The following MYCBP2 variants were observed in gnomAD, a reference collection of about 807,000 sequenced individuals.
The protein encoded by MYCBP2 is MYC binding protein 2, also known as E3 ubiquitin-protein ligase MYCBP2.
Under a neutral mutation model 525.3 loss-of-function variants are expected in MYCBP2, and 120 were observed. The observed-to-expected ratio is 0.23, with a 90% confidence interval of 0.20 to 0.27. The LOEUF (loss-of-function observed/expected upper bound fraction) is 0.27, where lower values mean the gene tolerates loss of function less well. Ranked by LOEUF, MYCBP2 falls within the 10% of genes least tolerant of loss-of-function variation. The pLI, the probability that MYCBP2 is intolerant of heterozygous loss-of-function variation, is 1.00. For missense variants in MYCBP2, 4,149 were observed against 5,657.1 expected (o/e 0.73, Z 8.55); for synonymous variants, 1,894 against 1,955.8 (o/e 0.97, Z 0.83).
chr13:77,125,668 T>A (rs1369728762), intron 53 of MYCBP2, among the ~76,000 whole-genome samples, 200 bp from the exon 54 acceptor site: 1 of 152,222 alleles, frequency 6.6e-6, no homozygotes, highest in Non-Finnish European at 1.5e-5. Context: ...TGCTTATTTA[T>A]GAATTTGGTT....
intron 26 of MYCBP2, among the ~76,000 whole-genome samples, chr13:77,201,449 CTT>C (rs1224777474): frequency 6.6e-6 from 1 of 151,860 alleles, no homozygotes; most frequent in Non-Finnish European, 1.5e-5. Context: ...TAAAGGGAGA[CTT>C]TAACACCCCA....
chr13:77,325,870 C>T (rs986636408), intron 1 of MYCBP2, among the ~76,000 whole-genome samples: 5 of 152,246 alleles, frequency 3.3e-5, no homozygotes, highest in African/African-American at 1.2e-4. Context: ...TCTCCATCTG[C>T]GTCCCTTATT....
intron 65 of MYCBP2, among the ~76,000 whole-genome samples, chr13:77,080,349 C>T (rs2043086536): frequency 6.6e-6 from 1 of 152,086 alleles, no homozygotes; most frequent in Admixed American, 6.6e-5. Context: ...CAGGAGAAGC[C>T]AGGCAATGGT....
rs1555467347 is a variant in MYCBP2, at chr13:77,296,697, G to A, written c.303-23C>T. ...TTCCTAAATATTAAAAGAAAAATGG[G>A]AAAAAAATATGAATGTTCATATTAG... On this transcript the variant is annotated intron_variant, in intron 1 of 82. Transcript: ENST00000544440. 3.1e-6 allele frequency: 4 copies of A among 1,304,034 alleles called. No individual in the cohort carries two copies. The East Asian group carries it at 7.8e-5, about 26-fold the overall frequency. The allele number at this position is 1,304,034 out of a possible 1,614,324, so 80.8% of individuals were successfully genotyped here. A position where few individuals can be genotyped will look rare whatever the true frequency, so the allele number is the denominator to read the frequency against.
intron 72 of MYCBP2, 115 bp from the exon 73 acceptor site, chr13:77,064,849 A>G (rs1202198023): frequency 9.9e-7 from 1 of 1,010,596 alleles, no homozygotes; most frequent in Non-Finnish European, 1.3e-6. Context: ...TAGTGAGACC[A>G]TGGAATTTTA....
intron 17 of MYCBP2, among the ~76,000 whole-genome samples, chr13:77,233,930 G>A (rs2067502665): frequency 6.6e-6 from 1 of 151,654 alleles, no homozygotes; most frequent in South Asian, 2.1e-4. Flanking sequence ...ATGGTAAAGG[G>A]GGCACCTAAC....
intron 55 of MYCBP2, among the ~76,000 whole-genome samples, chr13:77,115,012 T>G (rs2049473299): frequency 1.3e-5 from 2 of 152,078 alleles, no homozygotes; most frequent in South Asian, 4.1e-4. Context: ...TACATCATAT[T>G]GTCACAGTAT....
intron 1 of MYCBP2, among the ~76,000 whole-genome samples, chr13:77,303,410 T>C (rs1309600056): frequency 1.3e-5 from 2 of 152,164 alleles, no homozygotes; most frequent in African/African-American, 2.4e-5. Flanking sequence ...CCAACAACAA[T>C]AGAATACATA....
rs9544451 is a variant in MYCBP2 at position 77,297,831 on chromosome 13, A to G, written c.303-1157T>C. Among the ~76,000 whole-genome samples the G allele has an allele frequency of 1.4e-3, 209 of 152,088 alleles. 1 individual carries two copies. Among genetic ancestry groups the G allele is most frequent in the African/African-American group, 4.8e-3 (200 of 41,494 alleles). On this transcript the variant is annotated intron_variant, in intron 1 of 82. Transcript: ENST00000544440. Reference sequence around the variant, plus strand: ...GGTCAATTATATCTCATAAACAGTTATTGAATCTGTCCACACCATCTTTAC... The same window carrying G: ...GGTCAATTATATCTCATAAACAGTTGTTGAATCTGTCCACACCATCTTTAC...
In MYCBP2 at chr13:77,267,905, G is replaced by A; in HGVS notation, c.1293C>T (p.His431=). The change falls in exon 8 of 83, where the codon CAC becomes CAT. Residue 431 remains histidine (H), a synonymous_variant. Transcript: ENST00000544440. ...GGCTTATCCTTATGGCTGTCATGCT[G>A]TGGTTATTCACATCTCTATATAATA... ...GYLLYRDVNN[H]SMTAIRISPE... 6.2e-7 allele frequency: 1 copy of A among 1,613,716 alleles called. No homozygotes were observed.
chr13:77,198,656 GC>G (rs1347002539), intron 26 of MYCBP2, among the ~76,000 whole-genome samples: 1 of 152,110 alleles, frequency 6.6e-6, no homozygotes, highest in Non-Finnish European at 1.5e-5. Context: ...TAATTTGTTG[GC>G]CCTTTTGGAT....
intron 16 of MYCBP2, 118 bp from the exon 17 acceptor site, chr13:77,243,278 A>C (rs1044510590): frequency 5.1e-6 from 4 of 791,548 alleles, no homozygotes; most frequent in Non-Finnish European, 8.4e-6. Flanking sequence ...TAAAACACAC[A>C]ATATTTTTAC....
In MYCBP2 at chr13:77,045,343, A is replaced by C. The variant is rs1176250392; in HGVS notation, c.*35T>G. 1.3e-6 allele frequency: 2 copies of C among 1,527,204 alleles called. No individual in the cohort carries two copies. Among genetic ancestry groups the C allele is most frequent in the Non-Finnish European group, 1.8e-6 (2 of 1,104,018 alleles). The allele number at this position is 1,527,204 out of a possible 1,614,324, so 94.6% of individuals were successfully genotyped here. Reference sequence around the variant, plus strand: ...CCGCATCCTCTTGGGGGATGAAGGCAATTTTTCTCTCTGTAGACAAAGGAT... The same window carrying C: ...CCGCATCCTCTTGGGGGATGAAGGCCATTTTTCTCTCTGTAGACAAAGGAT... On this transcript the variant is annotated 3_prime_UTR_variant, in exon 83 of 83. Coordinates refer to ENST00000544440, the MANE Select transcript of MYCBP2 (RefSeq NM_015057.5).
intron 46 of MYCBP2, among the ~76,000 whole-genome samples, chr13:77,152,013 A>G (rs1313296330): frequency 6.6e-6 from 1 of 152,232 alleles, no homozygotes; most frequent in Non-Finnish European, 1.5e-5. Context: ...AGGTAATTCA[A>G]CAGAATTGTC....
chr13:77,211,374 C>A, intron 22 of MYCBP2, 54 bp from the exon 23 acceptor site: 2 of 934,500 alleles, frequency 2.1e-6, no homozygotes, highest in Non-Finnish European at 2.8e-6. Context: ...CTTTTAAATT[C>A]TCCAAAACCC....
At position 77,231,947 on chromosome 13, in the gene MYCBP2, G is replaced by A. The variant is rs541710093; in HGVS notation, c.2737+1209C>T. ...GGTTGAAAATTCCTTAAATATTTAT[G>A]GCATTGTTAGAGCACTCAGTAAATA... On this transcript the variant is annotated intron_variant, in intron 18 of 82. Transcript: ENST00000544440. Among the ~76,000 whole-genome samples the A allele has an allele frequency of 7.9e-5, 12 of 152,252 alleles. No individual in the cohort carries two copies. The South Asian group carries it at 8.3e-4, about 11-fold the overall frequency.
chr13:77,148,101 G>T (rs1044669864), intron 47 of MYCBP2, among the ~76,000 whole-genome samples: 4 of 151,668 alleles, frequency 2.6e-5, no homozygotes, highest in African/African-American at 9.7e-5. Context: ...TGTTGGAATA[G>T]AGAAGAATTT....
At chr13:77,124,628 C>T (rs557477116) in intron 54 of MYCBP2, among the ~76,000 whole-genome samples, 2 of 152,170 alleles carry the variant, frequency 1.3e-5, no homozygotes, top group Non-Finnish European at 2.9e-5. Context: ...GGACTCATAA[C>T]TGGGTATGAA....
At position 77,140,069 on chromosome 13, in the gene MYCBP2, C is replaced by G; in HGVS notation, c.7496G>C (p.Gly2499Ala). The change falls in exon 51 of 83, where the codon GGA becomes GCA. Residue 2499 changes from glycine (G) to alanine (A), a missense_variant. By Grantham distance (60) the Gly-to-Ala change is moderately conservative. Coordinates refer to ENST00000544440, the MANE Select transcript of MYCBP2 (RefSeq NM_015057.5). ...SEQIGIVKVN[G>A]TITFIDEIHN... ...TACCTCATCAATAAAAGTGATAGTT[C>G]CATTGACTTTCACTATGCCTATCTG... is the stretch of plus-strand genomic sequence containing the variant. 1 of 1,609,892 alleles carries G rather than the reference C, an allele frequency of 6.2e-7. No homozygotes were observed. Among genetic ancestry groups the G allele is most frequent in the South Asian group, 1.1e-5 (1 of 90,366 alleles).
Sources: allele counts gnomAD v4.1 joint callset (sites outside exome capture counted in the v4.1 genomes callset), GRCh38; gene constraint gnomAD v4.1.1; transcripts MANE v1.5; gene names NCBI Gene and HGNC (gene_info 2026-07-23, HGNC 2026-07-21).